Variants in PCDHGA3 observed in about 807,000 individuals in gnomAD.
PCDHGA3 encodes protocadherin gamma subfamily A, 3, also known as protocadherin gamma-A3.
In PCDHGA3, 40 loss-of-function variants were observed where a neutral mutation model predicts 58.5. The ratio of observed to expected loss-of-function variants is 0.68; its 90% CI spans 0.53 to 0.89. PCDHGA3 has a LOEUF of 0.89. PCDHGA3 is among the 40% of genes least tolerant of loss of function. The pLI is 0.00. For synonymous variants in PCDHGA3, 530 were observed against 525.7 expected (o/e 1.01, Z -0.11); for missense variants, 1,223 against 1,195.9 (o/e 1.02, Z -0.33).
chr5:141,458,990 C>T (rs2098958778), intron 1 of PCDHGA3, among the ~76,000 whole-genome samples: 1 of 152,212 alleles, frequency 6.6e-6, no homozygotes, highest in Non-Finnish European at 1.5e-5. Context: ...GCCTCACCCT[C>T]CCAAAGTGCT....
In PCDHGA3 at chr5:141,365,685, TC is replaced by T. The variant is rs770206035; in HGVS notation, c.2424+19231del. 2.5e-6 allele frequency: 4 copies of T among 1,613,270 alleles called. No homozygotes were observed. The South Asian group carries it at 4.4e-5, about 18-fold the overall frequency. On this transcript the variant is annotated intron_variant, in intron 1 of 3. Coordinates refer to ENST00000253812, the MANE Select transcript of PCDHGA3 (RefSeq NM_018916.4). The stretch of plus-strand genomic sequence containing the variant: ...GACGTTAATGACAACCCACCCAATT[TC>T]CCTCAAGCCTCCTACTCCACCTCTG...
rs140199351 is a variant in PCDHGA3, at chr5:141,465,921, G to C, written c.2425-28886G>C. Among the ~76,000 whole-genome samples, 1,515 of 152,146 alleles carry C rather than the reference G, an allele frequency of 1.0e-2. 24 individuals carry two copies. The highest frequency in any genetic ancestry group is 0.034 in the African/African-American group (1,400 of 41,520). On this transcript the variant is annotated intron_variant, in intron 1 of 3. Transcript: ENST00000253812. ...GCAAATCACGAGGTCAGGATTTCGA[G>C]TCCATCCTGGCTAACATGGTGAAAC...
At chr5:141,503,554 G>A (rs1395044357) in intron 2 of PCDHGA3, among the ~76,000 whole-genome samples, 11 of 149,146 alleles carry the variant, frequency 7.4e-5, no homozygotes, top group East Asian at 3.9e-4. Flanking sequence ...AGCCGAGATC[G>A]CGCCACTGTA....
chr5:141,493,141 C>T lies in PCDHGA3; in HGVS notation c.2425-1666C>T, dbSNP rs1327581425. On this transcript the variant is annotated intron_variant, in intron 1 of 3. Coordinates refer to ENST00000253812, the MANE Select transcript of PCDHGA3 (RefSeq NM_018916.4). This position sits in a 1 kb window ranked among gnomAD's most constrained non-coding sequence, Gnocchi z 4.3. ...CTCCTAGGACTGTATTTTGAAACAC[C>T]CCCAGGTGATTTTGATAGCTGATTG... Among the ~76,000 whole-genome samples the T allele has an allele frequency of 1.4e-5, 2 of 146,284 alleles. No homozygotes were observed. Among genetic ancestry groups the T allele is most frequent in the East Asian group, 2.0e-4 (1 of 5,022 alleles).
intron 1 of PCDHGA3, chr5:141,383,470 T>G (rs1779162782): frequency 6.2e-7 from 1 of 1,613,710 alleles, no homozygotes; most frequent in Non-Finnish European, 8.5e-7. Flanking sequence ...TGAAACTAAG[T>G]ACCCGGAACT....
At chr5:141,414,394 A>G in intron 1 of PCDHGA3, 1 of 1,613,930 alleles carries the variant, frequency 6.2e-7, no homozygotes, top group Non-Finnish European at 8.5e-7. Flanking sequence ...CAGTTATTAC[A>G]GATTGGTGAT....
At chr5:141,471,215 A>G (rs1562030197) in intron 1 of PCDHGA3, 1 of 149,038 alleles carries the variant, frequency 6.7e-6, no homozygotes, top group Non-Finnish European at 1.5e-5. Context: ...ATGCCTGGCA[A>G]TTTTTTTGTA....
rs553126235 is a variant in PCDHGA3 at position 141,473,346 on chromosome 5, G to A, written c.2425-21461G>A. Reference sequence around the variant, plus strand: ...AAGTGCCTGCTGTGCTAGACAGTGAGGATGCAAGTGGCCACCAAAATAGCA... The same window carrying A: ...AAGTGCCTGCTGTGCTAGACAGTGAAGATGCAAGTGGCCACCAAAATAGCA... On this transcript the variant is annotated intron_variant, in intron 1 of 3. Transcript: ENST00000253812. Among the ~76,000 whole-genome samples, 9 of 152,310 alleles carry A rather than the reference G, an allele frequency of 5.9e-5. No individual in the cohort carries two copies. The East Asian group carries it at 1.5e-3, about 26-fold the overall frequency.
chr5:141,400,538 A>C (rs994052728), intron 1 of PCDHGA3: 5 of 1,613,662 alleles, frequency 3.1e-6, no homozygotes, highest in Non-Finnish European at 4.2e-6. Context: ...AGTTTCATTT[A>C]TGTCTATTCT....
At chr5:141,376,213 G>A (rs754053100) in intron 1 of PCDHGA3, 3 of 1,614,224 alleles carry the variant, frequency 1.9e-6, no homozygotes, top group South Asian at 1.1e-5. Flanking sequence ...TCGTCATCGT[G>A]CTGCTGGCGC....
At chr5:141,464,746 T>G (rs1317670068) in intron 1 of PCDHGA3, among the ~76,000 whole-genome samples, 1 of 152,220 alleles carries the variant, frequency 6.6e-6, no homozygotes, top group Non-Finnish European at 1.5e-5. Context: ...TATATCTTTT[T>G]GTTTTTTTAG....
At chr5:141,510,754 C>G (rs1407911674) in intron 3 of PCDHGA3, among the ~76,000 whole-genome samples, 193 bp from the exon 4 acceptor site, 3 of 152,168 alleles carry the variant, frequency 2.0e-5, no homozygotes, top group African/African-American at 7.2e-5. Flanking sequence ...GACTTTCTCA[C>G]TCCAGAGCCT....
At chr5:141,419,922 T>C (rs761868361) in intron 1 of PCDHGA3, 1 of 1,614,090 alleles carries the variant, frequency 6.2e-7, no homozygotes, top group South Asian at 1.1e-5. Flanking sequence ...CAGGCTGAGA[T>C]GCAGTTTTAC....
At chr5:141,372,524 A>G (rs1768835682) in intron 1 of PCDHGA3, 2 of 1,613,968 alleles carry the variant, frequency 1.2e-6, no homozygotes, top group East Asian at 2.2e-5. Context: ...TGATTCTGGC[A>G]ATCTCCCTGC....
intron 1 of PCDHGA3, chr5:141,365,839 C>T (rs1212060265): frequency 1.9e-6 from 3 of 1,613,840 alleles, no homozygotes; most frequent in Non-Finnish European, 2.5e-6. Context: ...CCTTGTCCTC[C>T]TATGTATCCA....
intron 1 of PCDHGA3, among the ~76,000 whole-genome samples, chr5:141,437,250 G>T (rs1191184272): frequency 6.6e-6 from 1 of 152,102 alleles, no homozygotes; most frequent in African/African-American, 2.4e-5. Flanking sequence ...GACTTTCCTT[G>T]TCTTTTTATG....
At chr5:141,375,324 A>G in intron 1 of PCDHGA3, 2 of 1,613,806 alleles carry the variant, frequency 1.2e-6, no homozygotes, top group Non-Finnish European at 1.7e-6. Flanking sequence ...GACCGGGAAG[A>G]GGTATTCTTG....
intron 2 of PCDHGA3, 54 bp from the exon 3 acceptor site, chr5:141,505,339 G>A: frequency 1.2e-6 from 2 of 1,612,236 alleles, no homozygotes; most frequent in Middle Eastern, 3.4e-4. Flanking sequence ...GACAGGAGGG[G>A]CATGAGCTGT....
intron 1 of PCDHGA3, chr5:141,382,845 C>T: frequency 6.8e-7 from 1 of 1,475,804 alleles, no homozygotes; most frequent in African/African-American, 1.4e-5. Context: ...CGGATACACC[C>T]GCATTCTGAA....
Sources: gnomAD v4.1 joint callset for allele counts (sites outside exome capture counted in the v4.1 genomes callset) on GRCh38, gnomAD v4.1.1 for gene constraint, Gnocchi (gnomAD v3.1) non-coding constraint, MANE v1.5 for transcripts, NCBI Gene and HGNC (gene_info 2026-07-23, HGNC 2026-07-21) for gene names.